NDUFAF2: variants seen among roughly 807,000 people sequenced by gnomAD.
The protein encoded by NDUFAF2 is NADH dehydrogenase [ubiquinone] 1 alpha subcomplex assembly factor 2.
In NDUFAF2, 13 loss-of-function variants were observed where a neutral mutation model predicts 22.8. That is an observed-to-expected ratio of 0.57 (90% CI 0.37 to 0.91). The LOEUF (loss-of-function observed/expected upper bound fraction) is 0.91. NDUFAF2 is among the 40% of genes least tolerant of loss of function. NDUFAF2 has a pLI of 0.01. For synonymous variants in NDUFAF2, 53 were observed against 64.2 expected (o/e 0.83, Z 0.84); for missense variants, 162 against 195.2 (o/e 0.83, Z 1.01).
intron 1 of NDUFAF2, 139 bp from the exon 2 acceptor site, chr5:61,072,986 A>G: frequency 1.6e-6 from 1 of 626,280 alleles, no homozygotes. Flanking sequence ...TACCTAATTC[A>G]AAATGGAAAT....
chr5:61,078,514 G>A (rs562520725), intron 2 of NDUFAF2, among the ~76,000 whole-genome samples: 3 of 152,258 alleles, frequency 2.0e-5, no homozygotes, highest in East Asian at 1.9e-4. Flanking sequence ...ACTGAGGCAA[G>A]CAGGTCACTT....
intron 1 of NDUFAF2, among the ~76,000 whole-genome samples, chr5:61,071,904 G>A (rs961932717): frequency 2.6e-5 from 4 of 152,186 alleles, no homozygotes; most frequent in African/African-American, 9.6e-5. Flanking sequence ...AAGATATAAT[G>A]AAGACTTTCT....
At chr5:61,127,317 G>A (rs530054373) in intron 3 of NDUFAF2, among the ~76,000 whole-genome samples, 1 of 152,130 alleles carries the variant, frequency 6.6e-6, no homozygotes, top group Non-Finnish European at 1.5e-5. Flanking sequence ...ACCAAAGCCG[G>A]ACAGAGACAA....
intron 1 of NDUFAF2, among the ~76,000 whole-genome samples, chr5:61,056,670 C>T (rs1254133675): frequency 6.6e-6 from 1 of 151,538 alleles, no homozygotes; most frequent in Non-Finnish European, 1.5e-5. Context: ...AGAGGATCAC[C>T]TGAGGTTGGC....
intron 3 of NDUFAF2, among the ~76,000 whole-genome samples, chr5:61,103,185 G>A (rs886229895): frequency 1.2e-4 from 18 of 152,174 alleles, no homozygotes; most frequent in Non-Finnish European, 2.4e-4. Context: ...ACTATGCAAG[G>A]CTTCCTGATT....
At chr5:61,036,031 A>G (rs1751796388) in intron 1 of NDUFAF2, among the ~76,000 whole-genome samples, 1 of 152,188 alleles carries the variant, frequency 6.6e-6, no homozygotes, top group African/African-American at 2.4e-5. Context: ...AATCGAGTAG[A>G]TCTCATTTAT....
intron 3 of NDUFAF2, among the ~76,000 whole-genome samples, chr5:61,111,076 TG>T (rs1752834678): frequency 6.6e-6 from 1 of 152,228 alleles, no homozygotes; most frequent in African/African-American, 2.4e-5. Context: ...ATTGACCCAC[TG>T]ATCTTTCAAG....
At chr5:61,098,922 T>G in intron 2 of NDUFAF2, 70 bp from the exon 3 acceptor site, 1 of 1,313,868 alleles carries the variant, frequency 7.6e-7, no homozygotes, top group Non-Finnish European at 1.1e-6. Flanking sequence ...TCAAAAAAAT[T>G]TGTTTTATGG....
chr5:61,123,559 C>T (rs545729047), intron 3 of NDUFAF2, among the ~76,000 whole-genome samples: 7 of 152,240 alleles, frequency 4.6e-5, no homozygotes, highest in East Asian at 1.9e-4. Flanking sequence ...TTGCATAGCA[C>T]GTAACTGTAA....
chr5:61,067,558 A>G (rs1443967789), intron 1 of NDUFAF2, among the ~76,000 whole-genome samples: 1 of 152,084 alleles, frequency 6.6e-6, no homozygotes, highest in Non-Finnish European at 1.5e-5. Flanking sequence ...CCAGTCTATC[A>G]TTGATGGATA....
chr5:61,129,101 A>G (rs1226154694), intron 3 of NDUFAF2, among the ~76,000 whole-genome samples: 2 of 151,748 alleles, frequency 1.3e-5, no homozygotes, highest in Non-Finnish European at 3.0e-5. Context: ...GTGAGATATT[A>G]TCACACCAGT....
chr5:60,976,863 A>C (rs1404805127), intron 1 of NDUFAF2, among the ~76,000 whole-genome samples: 1 of 152,172 alleles, frequency 6.6e-6, no homozygotes, highest in East Asian at 1.9e-4. Context: ...TAATAGAAGG[A>C]GAAATGAGCA....
intron 1 of NDUFAF2, among the ~76,000 whole-genome samples, chr5:60,989,560 A>G (rs1394043739): frequency 2.0e-5 from 3 of 152,240 alleles, no homozygotes; most frequent in Non-Finnish European, 4.4e-5. Context: ...ATGAAATATT[A>G]TGCAGTCATA....
At chr5:61,009,216 A>G (rs1751412551) in intron 1 of NDUFAF2, among the ~76,000 whole-genome samples, 1 of 152,152 alleles carries the variant, frequency 6.6e-6, no homozygotes, top group Admixed American at 6.6e-5. Context: ...AGTTAAATGT[A>G]TTCTGAAGCC....
intron 1 of NDUFAF2, among the ~76,000 whole-genome samples, chr5:61,005,001 A>C (rs949837250): frequency 6.6e-6 from 1 of 151,722 alleles, no homozygotes; most frequent in South Asian, 2.1e-4. Flanking sequence ...GGTTTGTTAC[A>C]TGTGTATACA....
chr5:61,129,961 C>G (rs1175782510), intron 3 of NDUFAF2, among the ~76,000 whole-genome samples: 1 of 151,974 alleles, frequency 6.6e-6, no homozygotes, highest in African/African-American at 2.4e-5. Flanking sequence ...AAGAGCTGTT[C>G]TAATTCCTGC....
intron 1 of NDUFAF2, among the ~76,000 whole-genome samples, chr5:61,032,001 GT>G (rs1751733850): frequency 6.6e-6 from 1 of 152,074 alleles, no homozygotes; most frequent in African/African-American, 2.4e-5. Context: ...TTTTATATAT[GT>G]TTGTTGGCTG....
chr5:60,995,745 C>G (rs1302037922), intron 1 of NDUFAF2, among the ~76,000 whole-genome samples: 4 of 152,228 alleles, frequency 2.6e-5, no homozygotes, highest in Non-Finnish European at 4.4e-5. Flanking sequence ...TGAAAGCCAG[C>G]CAAGGCTGTG....
intron 1 of NDUFAF2, among the ~76,000 whole-genome samples, chr5:61,031,525 G>A (rs1431593880): frequency 6.6e-6 from 1 of 151,764 alleles, no homozygotes; most frequent in East Asian, 1.9e-4. Flanking sequence ...ATGGTATACT[G>A]CATAGTATTC....
Sources: gnomAD v4.1 joint callset for allele counts (sites outside exome capture counted in the v4.1 genomes callset) on GRCh38, gnomAD v4.1.1 for gene constraint, MANE v1.5 for transcripts, NCBI Gene and HGNC (gene_info 2026-07-23, HGNC 2026-07-21) for gene names.